SLC3A2: variants seen among roughly 807,000 people sequenced by gnomAD.
SLC3A2 encodes solute carrier family 3 member 2, also known as amino acid transporter heavy chain SLC3A2.
Under a neutral mutation model 48.5 loss-of-function variants are expected in SLC3A2, and 32 were observed. The observed-to-expected ratio is 0.66, with a 90% CI of 0.50 to 0.89. The LOEUF is 0.89. SLC3A2 is among the 40% of genes least tolerant of loss of function. The probability of loss-of-function intolerance (pLI) is 0.00; values close to 1 mark genes in which losing one functional copy is unlikely to be tolerated. For missense variants in SLC3A2, 587 were observed against 680.7 expected (o/e 0.86, Z 1.53); for synonymous variants, 277 against 288.8 (o/e 0.96, Z 0.41).
chr11:62,883,325 T>C, intron 3 of SLC3A2: 1 of 307,696 alleles, frequency 3.2e-6, no homozygotes, highest in South Asian at 4.0e-5. Flanking sequence ...AATCCTGTCC[T>C]GACTGGTTTC....
intron 3 of SLC3A2, chr11:62,884,010 G>A (rs1177417523): frequency 4.4e-6 from 2 of 457,336 alleles, no homozygotes; most frequent in Non-Finnish European, 8.8e-6. Flanking sequence ...CTGGGAGAGG[G>A]GGGATCTTGA....
At chr11:62,869,344 G>A (rs1215598618) in intron 1 of SLC3A2, among the ~76,000 whole-genome samples, 1 of 150,720 alleles carries the variant, frequency 6.6e-6, no homozygotes, top group Non-Finnish European at 1.5e-5. Context: ...CTAATACGGT[G>A]AAACCCTGTC....
At chr11:62,870,566 T>A (rs1221564668) in intron 1 of SLC3A2, among the ~76,000 whole-genome samples, 1 of 151,844 alleles carries the variant, frequency 6.6e-6, no homozygotes, top group African/African-American at 2.4e-5. Context: ...ATTTGGTAAA[T>A]AGTTCATTCT....
Position 62,883,012 on chromosome 11 carries a change from G to C in SLC3A2, c.690+13G>C, listed in dbSNP as rs761683563. On this transcript the variant is annotated intron_variant, in intron 3 of 8. Transcript: ENST00000338663. Reference sequence around the variant, plus strand: ...CACCAAGGTGAAGGTGAGTGTTGGAGCTGATGGCTGGTGGAAGTCAGATGC... The same window carrying C: ...CACCAAGGTGAAGGTGAGTGTTGGACCTGATGGCTGGTGGAAGTCAGATGC... 8.7e-6 allele frequency: 14 copies of C among 1,612,482 alleles called. No individual in the cohort carries two copies. Among genetic ancestry groups the C allele is most frequent in the Middle Eastern group, 1.7e-4 (1 of 6,056 alleles).
In SLC3A2 at chr11:62,881,248, C is replaced by A; in HGVS notation, c.225C>A (p.Pro75=). ...AGCTGCTGAAGGTGGCAGGCAGCCC[C>A]GGCTGGGTACGCACCCGCTGGGCAC... ...KEELLKVAGS[P]GWVRTRWALL... is the part of the protein sequence containing the mutation. The change falls in exon 1 of 9, where the codon CCC becomes CCA. Residue 75 remains proline (P), a synonymous_variant. Transcript: ENST00000338663. This position sits in a 1 kb window ranked among gnomAD's most constrained non-coding sequence, Gnocchi z 4.0. 1 of 1,584,070 alleles carries A rather than the reference C, an allele frequency of 6.3e-7. No individual in the cohort carries two copies. Among genetic ancestry groups the A allele is most frequent in the East Asian group, 2.3e-5 (1 of 43,750 alleles).
intron 1 of SLC3A2, among the ~76,000 whole-genome samples, chr11:62,865,495 G>A (rs1025479856): frequency 6.8e-6 from 1 of 148,016 alleles, no homozygotes; most frequent in Non-Finnish European, 1.5e-5. Flanking sequence ...GGAGGATGTT[G>A]CAGTGAGCCT....
chr11:62,867,045 CGATGG>C (rs1236220445), intron 1 of SLC3A2, among the ~76,000 whole-genome samples: 2 of 151,922 alleles, frequency 1.3e-5, no homozygotes, highest in African/African-American at 4.8e-5. Flanking sequence ...GGCTGGAGTG[CGATGG>C]ACTGATCTCG....
chr11:62,876,235 G>T (rs1294727598), upstream of SLC3A2, among the ~76,000 whole-genome samples: 1 of 152,206 alleles, frequency 6.6e-6, no homozygotes, highest in African/African-American at 2.4e-5. Flanking sequence ...TAATCCTCAT[G>T]TGTTAGGAAG....
chr11:62,888,071 A>T, intron 7 of SLC3A2, 64 bp from the exon 8 acceptor site: 1 of 1,434,850 alleles, frequency 7.0e-7, no homozygotes, highest in Non-Finnish European at 9.8e-7. Flanking sequence ...TGCTGGAATT[A>T]CAGATGTGAG....
rs551113451 is a variant in SLC3A2 at position 62,881,445 on chromosome 11, C to G, written c.422C>G (p.Ala141Gly). The G allele has an allele frequency of 6.3e-6, 10 of 1,580,082 alleles. No homozygotes were observed. In the African/African-American group the frequency reaches 1.3e-4, roughly 21 times the overall value. The change falls in exon 1 of 9, where the codon GCG (alanine) becomes GGG (glycine). Residue 141 changes from alanine (A) to glycine (G), a missense_variant and splice_region_variant. This residue lies in a region of SLC3A2 where 409 missense variants were observed against 446.7 expected (regional missense o/e 0.92). Transcript: ENST00000338663. The surrounding 1 kb of genome is among the most constrained non-coding windows in gnomAD (Gnocchi z 4.0). ...AFQGHGAGNL[A>G]GLKGRLDYLS... ...CAGGGCCACGGCGCGGGCAACCTGG[C>G]GGGTGAGTGCAGCGCGCCCCCGTCC...
chr11:62,874,567 G>A (rs1240964718), intron 1 of SLC3A2, among the ~76,000 whole-genome samples: 2 of 152,038 alleles, frequency 1.3e-5, no homozygotes, highest in Non-Finnish European at 2.9e-5. Flanking sequence ...CCTTTAGTAA[G>A]ACAACCCTGA....
chr11:62,881,240 G>A lies in SLC3A2; in HGVS notation c.217G>A (p.Gly73Ser), dbSNP rs746489146. The A allele has an allele frequency of 6.3e-7, 1 of 1,584,562 alleles. No individual in the cohort carries two copies. The highest frequency in any genetic ancestry group is 1.1e-5 in the South Asian group (1 of 87,128). The change falls in exon 1 of 9, where the codon GGC becomes AGC. Residue 73 changes from glycine to serine, a missense_variant. Transcript: ENST00000338663. The surrounding 1 kb of genome is among the most constrained non-coding windows in gnomAD (Gnocchi z 4.0). The stretch of plus-strand genomic sequence containing the variant: ...CAAGGAGGAGCTGCTGAAGGTGGCA[G>A]GCAGCCCCGGCTGGGTACGCACCCG... ...LSKEELLKVA[G>S]SPGWVRTRWA...
At chr11:62,869,924 A>T (rs956762760) in intron 1 of SLC3A2, among the ~76,000 whole-genome samples, 1 of 150,836 alleles carries the variant, frequency 6.6e-6, no homozygotes, top group African/African-American at 2.4e-5. Flanking sequence ...CTGAGATTAC[A>T]GGTGCCTGCC....
intron 1 of SLC3A2, among the ~76,000 whole-genome samples, chr11:62,860,290 A>G (rs2085385492): frequency 6.6e-6 from 1 of 151,968 alleles, no homozygotes; most frequent in Non-Finnish European, 1.5e-5. Flanking sequence ...TCACGAGGTC[A>G]GGAGTTCGAG....
intron 3 of SLC3A2, chr11:62,883,942 A>G (rs542745783): frequency 5.3e-5 from 24 of 455,808 alleles, no homozygotes; most frequent in Admixed American, 4.9e-4. Context: ...TCAATCTTTC[A>G]TCCTTGGCCT....
At chr11:62,882,159 G>A in intron 2 of SLC3A2, 93 bp downstream of exon 2, 1 of 1,463,250 alleles carries the variant, frequency 6.8e-7, no homozygotes, top group Non-Finnish European at 9.5e-7. Context: ...CTGCTAACTG[G>A]CTCTGAGTTT....
intron 1 of SLC3A2, among the ~76,000 whole-genome samples, chr11:62,873,284 C>G (rs1405103795): frequency 6.6e-6 from 1 of 151,752 alleles, no homozygotes; most frequent in East Asian, 1.9e-4. Flanking sequence ...GTCAGGAGTT[C>G]GAGAACAGCC....
chr11:62,887,316 G>A (rs192778955), intron 7 of SLC3A2, among the ~76,000 whole-genome samples: 112 of 152,186 alleles, frequency 7.4e-4, no homozygotes, highest in African/African-American at 2.6e-3. Flanking sequence ...GGAAGTGAGA[G>A]AGCTGGCTGG....
Position 62,885,602 on chromosome 11 carries a change from T to A in SLC3A2, c.1137T>A (p.Pro379=). The change falls in exon 7 of 9, where the codon CCT becomes CCA. Residue 379 remains proline (P), a synonymous_variant. Transcript: ENST00000338663. ...DEIGLDAAAL[P]GQPMEAPVML... ...TTGGCCTGGATGCAGCTGCCCTTCC[T>A]GGACAGGTACTGCTTGCTGTCTTTC... 1 of 1,614,136 alleles carries A rather than the reference T, an allele frequency of 6.2e-7. No individual in the cohort carries two copies. The highest frequency in any genetic ancestry group is 8.5e-7 in the Non-Finnish European group (1 of 1,179,972).
Sources: gnomAD v4.1 joint callset for allele counts (sites outside exome capture counted in the v4.1 genomes callset) on GRCh38, gnomAD v4.1.1 for gene constraint, gnomAD v4.1.1 regional missense constraint, Gnocchi (gnomAD v3.1) non-coding constraint, MANE v1.5 for transcripts, NCBI Gene and HGNC (gene_info 2026-07-23, HGNC 2026-07-21) for gene names.